The following OMD variants were observed in gnomAD, a reference collection of about 807,000 sequenced individuals.
The protein encoded by OMD is osteomodulin, also known as KSPG osteomodulin.
A neutral mutation model predicts 31.2 loss-of-function variants in OMD; 19 were observed. That is an observed-to-expected ratio of 0.61 (90% CI 0.42 to 0.89). The LOEUF is 0.89. OMD is among the 40% of genes least tolerant of loss of function. The pLI is 0.00. For missense variants in OMD, 448 were observed against 490.8 expected (o/e 0.91, Z 0.82); for synonymous variants, 155 against 166.4 (o/e 0.93, Z 0.53).
At chr9:92,420,510 C>A (rs1843757620) in intron 1 of OMD, among the ~76,000 whole-genome samples, 3 of 152,164 alleles carry the variant, frequency 2.0e-5, no homozygotes, top group Admixed American at 2.0e-4. Context: ...AGACCACTAA[C>A]CTCAAGTGCT....
Position 92,415,027 on chromosome 9 carries a change from A to C in OMD, c.*125T>G. The stretch of plus-strand genomic sequence containing the variant: ...CAGATGTCACCAACAACTTAAATTC[A>C]ATTCTGATCTTATACTAATACATAA... On this transcript the variant is annotated 3_prime_UTR_variant, in exon 3 of 3. Transcript: ENST00000375550. 1 of 685,498 alleles carries C rather than the reference A, an allele frequency of 1.5e-6. No individual in the cohort carries two copies. The highest frequency in any genetic ancestry group is 2.3e-6 in the Non-Finnish European group (1 of 442,270). The allele number at this position is 685,498 out of a possible 1,614,324, so 42.5% of individuals were successfully genotyped here. A position where few individuals can be genotyped will look rare whatever the true frequency, so the allele number is the denominator to read the frequency against.
intron 1 of OMD, among the ~76,000 whole-genome samples, chr9:92,423,226 G>T (rs1294963542): frequency 2.6e-5 from 4 of 152,004 alleles, no homozygotes; most frequent in Non-Finnish European, 4.4e-5. Context: ...AGCAGGAAAA[G>T]AACAAATGTG....
chr9:92,416,072 T>TA (rs368634649), intron 2 of OMD, among the ~76,000 whole-genome samples: 3,373 of 125,278 alleles, frequency 0.027, 113 homozygotes, highest in African/African-American at 0.074. Context: ...ATATATATAT[T>TA]TATTTATTTA....
chr9:92,416,258 C>A (rs1018507670), intron 2 of OMD, among the ~76,000 whole-genome samples: 4 of 151,526 alleles, frequency 2.6e-5, no homozygotes, highest in African/African-American at 9.7e-5. Flanking sequence ...TGCCACCATG[C>A]CTGGCTAATT....
intron 2 of OMD, among the ~76,000 whole-genome samples, chr9:92,415,738 A>G (rs1843573675): frequency 6.7e-6 from 1 of 149,298 alleles, no homozygotes; most frequent in South Asian, 2.1e-4. Flanking sequence ...AAAAAAAATT[A>G]TCTACAATCC....
rs1414478912 is a variant in OMD, at chr9:92,413,771, T to A, written c.*1381A>T. Among the ~76,000 whole-genome samples, 2 of 152,060 alleles carry A rather than the reference T, an allele frequency of 1.3e-5. No homozygotes were observed. Among genetic ancestry groups the A allele is most frequent in the Non-Finnish European group, 2.9e-5 (2 of 68,016 alleles). ...ATGTTGATTAGACGAATGAATGGAG[T>A]TTTCTTCATATTCATCCTGGATTCT... On this transcript the variant is annotated 3_prime_UTR_variant, in exon 3 of 3. Coordinates refer to ENST00000375550, the MANE Select transcript of OMD (RefSeq NM_005014.3).
chr9:92,417,468 A>T lies in OMD; in HGVS notation c.91T>A (p.Tyr31Asn), dbSNP rs903563537. 1.2e-6 allele frequency: 2 copies of T among 1,613,874 alleles called. No homozygotes were observed. Among genetic ancestry groups the T allele is most frequent in the African/African-American group, 2.7e-5 (2 of 74,918 alleles). ...TAATCATCATCTGGCTCTTGGTCAT[A>T]GTCTTCATCCCACTGATAAGTTTCA... ...QYETYQWDEDYDQEPDDDYQT... is the reference protein window; with the variant it reads ...QYETYQWDEDNDQEPDDDYQT... The change falls in exon 2 of 3, where the codon TAT becomes AAT. Residue 31 changes from tyrosine to asparagine, a missense_variant. Physicochemically the swap from Tyr to Asn is moderately radical, Grantham distance 143. Coordinates refer to ENST00000375550, the MANE Select transcript of OMD (RefSeq NM_005014.3).
chr9:92,418,075 TTTTTTC>T (rs889488170), intron 1 of OMD, among the ~76,000 whole-genome samples: 15 of 150,570 alleles, frequency 1.0e-4, no homozygotes, highest in African/African-American at 2.2e-4. Context: ...GTTTTTTTTC[TTTTTTC>T]TTTTTCTTTT....
At chr9:92,416,091 TTTATTTA>T (rs1564309170) in intron 2 of OMD, among the ~76,000 whole-genome samples, 6 of 143,100 alleles carry the variant, frequency 4.2e-5, no homozygotes, top group Admixed American at 1.4e-4. Flanking sequence ...TATTTATTTA[TTTATTTA>T]TTTTATTTTT....
chr9:92,417,210 G>A lies in OMD; in HGVS notation c.349C>T (p.Leu117Phe). Residue 117 changes from leucine (L) to phenylalanine (F), a missense_variant, in exon 2 of 3, where the codon CTT becomes TTT. Coordinates refer to ENST00000375550, the MANE Select transcript of OMD (RefSeq NM_005014.3). The stretch of plus-strand genomic sequence containing the variant: ...TTGTGGCTGAGGTTAATTTCTTTAA[G>A]ATGAGTTGCATTGATGAATGAATTT... ...TANSFINATH[L>F]KEINLSHNKI... The A allele has an allele frequency of 6.2e-7, 1 of 1,613,994 alleles. No homozygotes were observed. Among genetic ancestry groups the A allele is most frequent in the Non-Finnish European group, 8.5e-7 (1 of 1,179,968 alleles).
chr9:92,416,574 G>C, intron 2 of OMD, 45 bp downstream of exon 2: 1 of 1,178,794 alleles, frequency 8.5e-7, no homozygotes, highest in Non-Finnish European at 1.2e-6. Context: ...AAAAGATCAG[G>C]ATTCCATTCT....
chr9:92,414,012 A>G lies in OMD; in HGVS notation c.*1140T>C, dbSNP rs1329548779. On this transcript the variant is annotated 3_prime_UTR_variant, in exon 3 of 3. Transcript: ENST00000375550. ...TTTGTATAGGCAGCCCTAGATTGGT[A>G]TTTGTCCCTTATCTGAGAAATTCTA... is the stretch of plus-strand genomic sequence containing the variant. Among the ~76,000 whole-genome samples the G allele has an allele frequency of 6.6e-6, 1 of 152,164 alleles. No homozygotes were observed. The highest frequency in any genetic ancestry group is 1.5e-5 in the Non-Finnish European group (1 of 68,030).
Position 92,416,780 on chromosome 9 carries a change from TGAAGTTTTG to T in OMD, c.770_778del (p.Pro257_Leu259del), listed in dbSNP as rs1214341319. ...TTTGTTGTGTGACATTCTTAGAGTA[TGAAGTTTTG>T]GAAGTTTGTCGAAGTATTTTTCGGG... is the stretch of plus-strand genomic sequence containing the variant. On this transcript the variant is annotated inframe_deletion, in exon 2 of 3. Coordinates refer to ENST00000375550, the MANE Select transcript of OMD (RefSeq NM_005014.3). The T allele has an allele frequency of 5.0e-6, 8 of 1,613,808 alleles. No homozygotes were observed. In the Admixed American group the frequency reaches 1.3e-4, roughly 27 times the overall value.
chr9:92,423,233 T>C (rs1036149116), intron 1 of OMD, among the ~76,000 whole-genome samples: 1 of 152,088 alleles, frequency 6.6e-6, no homozygotes. Context: ...AAAGAACAAA[T>C]GTGAAAAAGA....
rs192937470 is a variant in OMD, at chr9:92,419,916, C to G, written c.-16-2342G>C. On this transcript the variant is annotated intron_variant, in intron 1 of 2. Transcript: ENST00000375550. ...AGAGAATAGTTACTTAAGTTATTTT[C>G]TTTGACAGAACCCCATTTGAGAAAG... Among the ~76,000 whole-genome samples the G allele has an allele frequency of 4.4e-3, 676 of 152,240 alleles. 4 individuals carry two copies. Among genetic ancestry groups the G allele is most frequent in the African/African-American group, 0.014 (585 of 41,558 alleles).
At chr9:92,418,390 A>T (rs1337474745) in intron 1 of OMD, among the ~76,000 whole-genome samples, 2 of 145,748 alleles carry the variant, frequency 1.4e-5, no homozygotes, top group Non-Finnish European at 3.0e-5. Context: ...CCTGGCCGAG[A>T]TTTTTTTTTT....
Position 92,416,819 on chromosome 9 carries a change from G to A in OMD, c.740C>T (p.Ser247Phe), listed in dbSNP as rs1843627751. The A allele has an allele frequency of 6.2e-7, 1 of 1,613,664 alleles. No individual in the cohort carries two copies. Among genetic ancestry groups the A allele is most frequent in the African/African-American group, 1.3e-5 (1 of 74,922 alleles). The change falls in exon 2 of 3, where the codon TCT becomes TTT. Residue 247 changes from serine (S) to phenylalanine (F), a missense_variant. Physicochemically the swap from Ser to Phe is radical, Grantham distance 155. Coordinates refer to ENST00000375550, the MANE Select transcript of OMD (RefSeq NM_005014.3). ...YLSLENNSIS[S>F]IPEKYFDKLP... ...TTTGTCGAAGTATTTTTCGGGTATA[G>A]AAGAAATTGAATTATTTTCTAAAGA...
Position 92,414,377 on chromosome 9 carries a change from C to A in OMD, c.*775G>T, listed in dbSNP as rs1843527137. 1 of 201,944 alleles carries A rather than the reference C, an allele frequency of 5.0e-6. No homozygotes were observed. The highest frequency in any genetic ancestry group is 7.6e-5 in the East Asian group (1 of 13,112). 12.5% of individuals were successfully genotyped at this position (201,944 alleles called of 1,614,324 possible). On this transcript the variant is annotated 3_prime_UTR_variant, in exon 3 of 3. Coordinates refer to ENST00000375550, the MANE Select transcript of OMD (RefSeq NM_005014.3). ...GTTGTATTTTTACAAAAACATTTAT[C>A]CCAGTTAAAATGGAACACAATAACA...
At position 92,416,352 on chromosome 9, in the gene OMD, G is replaced by A. The variant is rs375213331; in HGVS notation, c.940+267C>T. On this transcript the variant is annotated intron_variant, in intron 2 of 2. Transcript: ENST00000375550. ...TGGCCTCAAGTGATCCACCCCACCCGCCTTAGCCTCCCAAAGTGCTCTGAT... is the reference window on the plus strand; with the variant it reads ...TGGCCTCAAGTGATCCACCCCACCCACCTTAGCCTCCCAAAGTGCTCTGAT... Among the ~76,000 whole-genome samples, 41 of 151,818 alleles carry A rather than the reference G, an allele frequency of 2.7e-4. 1 individual carries two copies. The highest frequency in any genetic ancestry group is 9.7e-4 in the East Asian group (5 of 5,158).
Sources: allele counts gnomAD v4.1 joint callset (sites outside exome capture counted in the v4.1 genomes callset), GRCh38; gene constraint gnomAD v4.1.1; transcripts MANE v1.5; gene names NCBI Gene and HGNC (gene_info 2026-07-23, HGNC 2026-07-21).